The following CLIP2 variants were observed in gnomAD, a reference collection of about 807,000 sequenced individuals.
CLIP2 encodes the protein CAP-Gly domain containing linker protein 2.
CLIP2 carries 41 observed loss-of-function variants against 111.7 expected under a neutral mutation model. The ratio of observed to expected loss-of-function variants is 0.37; its 90% CI spans 0.29 to 0.48. The LOEUF (loss-of-function observed/expected upper bound fraction) is 0.48, where lower values mean the gene tolerates loss of function less well. Among genes scored for constraint, CLIP2 ranks in the 20% least tolerant of loss-of-function variants. CLIP2 has a pLI of 0.99. For missense variants in CLIP2, 1,160 were observed against 1,422.1 expected (o/e 0.82, Z 2.96); for synonymous variants, 660 against 644.2 (o/e 1.02, Z -0.37).
chr7:74,379,792 A>G (rs2116665659), intron 10 of CLIP2, among the ~76,000 whole-genome samples: 1 of 151,318 alleles, frequency 6.6e-6, no homozygotes, highest in Non-Finnish European at 1.5e-5. Flanking sequence ...AAAACCCCAA[A>G]ATTAGCTGGG....
At chr7:74,306,501 C>T (rs1041681094) in intron 1 of CLIP2, among the ~76,000 whole-genome samples, 2 of 152,192 alleles carry the variant, frequency 1.3e-5, no homozygotes, top group Non-Finnish European at 2.9e-5. Flanking sequence ...GGCTGGCCCG[C>T]CAAACCAAGA....
At position 74,350,130 on chromosome 7, in the gene CLIP2, T is replaced by G. The variant is rs559974895; in HGVS notation, c.679-3750T>G. On this transcript the variant is annotated intron_variant, in intron 3 of 16. Transcript: ENST00000223398. ...GTGCAGTGGCGCAATCTCAGCTCAC[T>G]GCAACCTCCGCCTCCTGGGTTCAAG... Among the ~76,000 whole-genome samples the G allele has an allele frequency of 2.6e-5, 4 of 152,230 alleles. No individual in the cohort carries two copies. In the East Asian group the frequency reaches 7.8e-4, roughly 30 times the overall value.
rs1554727821 is a variant in CLIP2 at position 74,306,839 on chromosome 7, G to A, written c.-67-10641G>A. On this transcript the variant is annotated intron_variant, in intron 1 of 16. Transcript: ENST00000223398. The stretch of plus-strand genomic sequence containing the variant: ...GGTGACACTTGTACCCCATTTTACA[G>A]GTAATGAAACTGAGGCTCTCTCTGG... 2.6e-5 allele frequency among the ~76,000 whole-genome samples: 4 copies of A among 152,198 alleles called. No individual in the cohort carries two copies. The South Asian group carries it at 8.3e-4, about 31-fold the overall frequency.
chr7:74,368,503 C>T (rs1347298984), intron 8 of CLIP2, among the ~76,000 whole-genome samples: 1 of 150,944 alleles, frequency 6.6e-6, no homozygotes, highest in Non-Finnish European at 1.5e-5. Flanking sequence ...GGCGACAGTG[C>T]GAGACTCCAT....
Position 74,395,744 on chromosome 7 carries a change from C to T in CLIP2, c.2721-1330C>T, listed in dbSNP as rs552829932. 3.3e-5 allele frequency among the ~76,000 whole-genome samples: 5 copies of T among 152,278 alleles called. No individual in the cohort carries two copies. In the East Asian group the frequency reaches 7.7e-4, roughly 24 times the overall value. ...AGTGCTTAGGATGGAGGTGGGAGAT[C>T]AGCTAGGAATGCTTTGGTGACAGTG... On this transcript the variant is annotated intron_variant, in intron 13 of 16. Coordinates refer to ENST00000223398, the MANE Select transcript of CLIP2 (RefSeq NM_003388.5).
intron 7 of CLIP2, 113 bp downstream of exon 7, chr7:74,360,391 C>G: frequency 1.4e-6 from 1 of 703,226 alleles, no homozygotes; most frequent in Non-Finnish European, 2.4e-6. Context: ...GTCACTGCCT[C>G]TGGCTGTGTC....
rs1305965232 is a variant in CLIP2 at position 74,349,468 on chromosome 7, GTGTATATATATATATATATA to G, written c.679-4410_679-4391del. On this transcript the variant is annotated intron_variant, in intron 3 of 16. Coordinates refer to ENST00000223398, the MANE Select transcript of CLIP2 (RefSeq NM_003388.5). ...AAAAAGTATGTATGTGTGTGTGTGT[GTGTATATATATATATATATA>G]TATATATATATATATATATATATGT... Among the ~76,000 whole-genome samples, 257 of 61,778 alleles carry G rather than the reference GTGTATATATATATATATATA, an allele frequency of 4.2e-3. 10 individuals are homozygous for G. The highest frequency in any genetic ancestry group is 0.035 in the Middle Eastern group (4 of 114). 40.5% of individuals were successfully genotyped at this position (61,778 alleles called of 152,430 possible).
chr7:74,326,621 A>C (rs1260731955), intron 2 of CLIP2, among the ~76,000 whole-genome samples: 2 of 149,310 alleles, frequency 1.3e-5, no homozygotes, highest in Non-Finnish European at 3.0e-5. Context: ...GTACACACAC[A>C]GGGCTGGGCC....
Position 74,382,106 on chromosome 7 carries a change from G to A in CLIP2, c.2479+1243G>A, listed in dbSNP as rs545434988. 3.3e-5 allele frequency among the ~76,000 whole-genome samples: 5 copies of A among 151,470 alleles called. No individual in the cohort carries two copies. In the East Asian group the frequency reaches 5.8e-4, roughly 18 times the overall value. On this transcript the variant is annotated intron_variant, in intron 11 of 16. Transcript: ENST00000223398. ...TCTATTTGCATTTTTTTTTTGAGAC[G>A]GAGTTTCACCCTTGTTGCCCAGGCT... is the stretch of plus-strand genomic sequence containing the variant.
At chr7:74,343,738 CAA>C (rs34002172) in intron 3 of CLIP2, among the ~76,000 whole-genome samples, 84,730 of 136,312 alleles carry the variant, frequency 0.62, 26,738 homozygotes, top group Non-Finnish European at 0.73. Flanking sequence ...ACTAAAAATA[CAA>C]AAAAAAAAAA....
rs2116426928 is a variant in CLIP2, at chr7:74,290,148, G to T, written c.-68+414G>T. On this transcript the variant is annotated intron_variant, in intron 1 of 16. Coordinates refer to ENST00000223398, the MANE Select transcript of CLIP2 (RefSeq NM_003388.5). ...AGGGCTCTCTGGGCTCACAGAGCCT[G>T]GGGAGCACAGCCTGGTGGGCGCGGC... is the stretch of plus-strand genomic sequence containing the variant. Among the ~76,000 whole-genome samples, 3 of 152,332 alleles carry T rather than the reference G, an allele frequency of 2.0e-5. No individual in the cohort carries two copies. In the Middle Eastern group the frequency reaches 0.01, roughly 518 times the overall value.
Position 74,390,100 on chromosome 7 carries a change from AAAG to A in CLIP2, c.2720+844_2720+846del, listed in dbSNP as rs1323395110. Among the ~76,000 whole-genome samples the A allele has an allele frequency of 5.2e-4, 75 of 143,324 alleles. 1 individual carries two copies. The highest frequency in any genetic ancestry group is 3.4e-3 in the Middle Eastern group (1 of 290). 94.0% of individuals were successfully genotyped at this position (143,324 alleles called of 152,430 possible). ...AAAACCCTGTCTCTTTAAAAAAAAA[AAAG>A]AAAGAAAGAAAGAAAGAAAAGAGAG... On this transcript the variant is annotated intron_variant, in intron 13 of 16. Transcript: ENST00000223398.
intron 3 of CLIP2, among the ~76,000 whole-genome samples, chr7:74,343,738 CA>C (rs34002172): frequency 0.036 from 4,876 of 136,286 alleles, 154 homozygotes; most frequent in African/African-American, 0.087. Flanking sequence ...ACTAAAAATA[CA>C]AAAAAAAAAA....
chr7:74,342,646 G>T (rs557891853), intron 3 of CLIP2, among the ~76,000 whole-genome samples: 1 of 152,128 alleles, frequency 6.6e-6, no homozygotes, highest in African/African-American at 2.4e-5. Flanking sequence ...GTGTGCGGTG[G>T]CTCACACCTG....
intron 8 of CLIP2, among the ~76,000 whole-genome samples, chr7:74,366,283 G>C (rs797034296): frequency 6.6e-6 from 1 of 151,982 alleles, no homozygotes; most frequent in Non-Finnish European, 1.5e-5. Context: ...CTCTGCTGGC[G>C]TCTCCTCCTT....
chr7:74,360,355 C>T (rs961854821), intron 7 of CLIP2, 77 bp downstream of exon 7: 8 of 1,121,902 alleles, frequency 7.1e-6, no homozygotes, highest in Admixed American at 4.2e-5. Flanking sequence ...TTGGGAATAG[C>T]GGACCCAGGT....
At chr7:74,380,593 G>A in intron 10 of CLIP2, 1 of 459,590 alleles carries the variant, frequency 2.2e-6, no homozygotes, top group Non-Finnish European at 3.9e-6. Flanking sequence ...GCCTTCAGCA[G>A]AGCTGGGTGC....
At chr7:74,374,694 C>G (rs1447322682) in intron 9 of CLIP2, among the ~76,000 whole-genome samples, 2 of 152,184 alleles carry the variant, frequency 1.3e-5, no homozygotes, top group South Asian at 4.2e-4. Flanking sequence ...ACACTCCAGC[C>G]TGGGCAAGAG....
At chr7:74,400,021 G>C (rs184660568) in intron 14 of CLIP2, among the ~76,000 whole-genome samples, 223 of 151,700 alleles carry the variant, frequency 1.5e-3, no homozygotes, top group African/African-American at 5.0e-3. Flanking sequence ...GGGGCGTGGT[G>C]GTGGGCCCCT....
Sources: gnomAD v4.1 joint callset for allele counts (sites outside exome capture counted in the v4.1 genomes callset) on GRCh38, gnomAD v4.1.1 for gene constraint, MANE v1.5 for transcripts, NCBI Gene and HGNC (gene_info 2026-07-23, HGNC 2026-07-21) for gene names.